The following BEND7 variants were observed in gnomAD, a reference collection of about 807,000 sequenced individuals.
BEND7 encodes the protein BEN domain containing 7.
Under a neutral mutation model 50.9 loss-of-function variants are expected in BEND7, and 28 were observed. That is an observed-to-expected ratio of 0.55 (90% CI 0.41 to 0.75). BEND7 has a LOEUF of 0.75. Among genes scored for constraint, BEND7 ranks in the 30% least tolerant of loss-of-function variants. The probability of loss-of-function intolerance (pLI) is 0.00; values close to 1 mark genes in which losing one functional copy is unlikely to be tolerated. For synonymous variants in BEND7, 170 were observed against 183.9 expected (o/e 0.92, Z 0.61); for missense variants, 477 against 491.3 (o/e 0.97, Z 0.28).
chr10:13,490,745 A>T (rs569565062), intron 5 of BEND7, among the ~76,000 whole-genome samples: 1 of 152,324 alleles, frequency 6.6e-6, no homozygotes, highest in Non-Finnish European at 1.5e-5. Flanking sequence ...TACCAATGCC[A>T]GCCAGACAGC....
At position 13,496,899 on chromosome 10, in the gene BEND7, A is replaced by C; in HGVS notation, c.449-11T>G. On this transcript the variant is annotated splice_polypyrimidine_tract_variant and intron_variant, in intron 3 of 8. Transcript: ENST00000466271. ...CCACTGGAAGTTCTCCTGAGCATGA[A>C]AGAAAAGAATGACATACTCCAAACA... 1 of 1,597,634 alleles carries C rather than the reference A, an allele frequency of 6.3e-7. No individual in the cohort carries two copies. Among genetic ancestry groups the C allele is most frequent in the Non-Finnish European group, 8.5e-7 (1 of 1,176,320 alleles).
Position 13,492,760 on chromosome 10 carries a change from T to A in BEND7, c.688A>T (p.Thr230Ser). The change falls in exon 5 of 9, where the codon ACT (threonine) becomes TCT (serine). Residue 230 changes from threonine to serine, a missense_variant. Physicochemically the swap from Thr to Ser is moderately conservative, Grantham distance 58. Around this residue, in one of 3 missense-constraint regions of BEND7, gnomAD observed 396 missense variants for 384.2 expected, o/e 1.03. Coordinates refer to ENST00000466271, the MANE Select transcript of BEND7 (RefSeq NM_001369863.1). Reference protein sequence around the residue: ...KVPPKTVEPLTVKQKPSGSEM... With the variant: ...KVPPKTVEPLSVKQKPSGSEM... The stretch of plus-strand genomic sequence containing the variant: ...GACCCACTGGGCTTCTGTTTCACAG[T>A]AAGAGGTTCCACAGTCTTTGGGGGC... 6.2e-7 allele frequency: 1 copy of A among 1,613,740 alleles called. No homozygotes were observed. Among genetic ancestry groups the A allele is most frequent in the Non-Finnish European group, 8.5e-7 (1 of 1,179,930 alleles).
At chr10:13,518,279 C>T (rs1397816903) in intron 2 of BEND7, among the ~76,000 whole-genome samples, 3 of 144,824 alleles carry the variant, frequency 2.1e-5, no homozygotes, top group South Asian at 2.3e-4. Context: ...CCATGCGGGC[C>T]GTGGCGAGCA....
At chr10:13,508,903 AC>A (rs1191073742) in intron 2 of BEND7, among the ~76,000 whole-genome samples, 4 of 152,218 alleles carry the variant, frequency 2.6e-5, no homozygotes, top group Admixed American at 6.5e-5. Flanking sequence ...ACGGCGGTCA[AC>A]CCCAGCCAGG....
intron 7 of BEND7, among the ~76,000 whole-genome samples, chr10:13,449,582 C>A (rs1564505548): frequency 6.6e-6 from 1 of 152,186 alleles, no homozygotes; most frequent in Non-Finnish European, 1.5e-5. Context: ...TCGATATGAG[C>A]TAATTTCTTA....
chr10:13,479,006 C>CT lies in BEND7; in HGVS notation c.1063+1892dup, dbSNP rs34144594. 3.4e-3 allele frequency among the ~76,000 whole-genome samples: 437 copies of CT among 127,720 alleles called. 1 individual carries two copies. The highest frequency in any genetic ancestry group is 4.4e-3 in the Admixed American group (54 of 12,288). 83.8% of individuals were successfully genotyped at this position (127,720 alleles called of 152,430 possible). ...AGATGTGTCCTCTATTTGTAATATACTTTTTTTTTTTTTTTTTTGAGACCA... is the reference window on the plus strand; with the variant it reads ...AGATGTGTCCTCTATTTGTAATATACTTTTTTTTTTTTTTTTTTTGAGACCA... On this transcript the variant is annotated intron_variant, in intron 6 of 8. Transcript: ENST00000466271.
chr10:13,484,386 G>C (rs750889936), intron 5 of BEND7, among the ~76,000 whole-genome samples: 1 of 152,156 alleles, frequency 6.6e-6, no homozygotes. Flanking sequence ...TCCTCCATTT[G>C]ATAAATGTAA....
chr10:13,493,622 CA>C (rs943147285), intron 4 of BEND7, among the ~76,000 whole-genome samples: 2 of 152,142 alleles, frequency 1.3e-5, no homozygotes, highest in African/African-American at 2.4e-5. Flanking sequence ...GAAACAGTTC[CA>C]AACATGAAAA....
intron 2 of BEND7, among the ~76,000 whole-genome samples, chr10:13,524,644 CAAAAAAAAA>C (rs58967065): frequency 1.1e-5 from 1 of 88,550 alleles, no homozygotes. Context: ...ACCTCCGTCT[CAAAAAAAAA>C]AAAAAAAAAA....
In BEND7 at chr10:13,492,665, C is replaced by CG. The variant is rs754321162; in HGVS notation, c.782dup (p.Glu262GlyfsTer25). The CG allele has an allele frequency of 6.2e-7, 1 of 1,614,128 alleles. No homozygotes were observed. The highest frequency in any genetic ancestry group is 1.1e-5 in the South Asian group (1 of 91,064). The stretch of plus-strand genomic sequence containing the variant: ...CGAATCCTAGAACGCGGCTCTCCTC[C>CG]GGGGAGGTGTGCTCGGCTGCCTGGA... On this transcript the variant is annotated frameshift_variant, in exon 5 of 9. Coordinates refer to ENST00000466271, the MANE Select transcript of BEND7 (RefSeq NM_001369863.1). LOFTEE classifies it high-confidence loss of function.
chr10:13,469,601 T>A (rs7912879), intron 6 of BEND7, among the ~76,000 whole-genome samples: 11 of 152,154 alleles, frequency 7.2e-5, no homozygotes, highest in Admixed American at 1.3e-4. Context: ...CTCAGCCTCC[T>A]GAGCAGCTGG....
At chr10:13,519,297 C>G (rs546302261) in intron 2 of BEND7, among the ~76,000 whole-genome samples, 2 of 144,196 alleles carry the variant, frequency 1.4e-5, no homozygotes, top group Admixed American at 1.4e-4. Context: ...ATGGTGAAAC[C>G]CCGTCTCTAC....
chr10:13,473,789 C>T lies in BEND7; in HGVS notation c.1063+7110G>A, dbSNP rs569936070. On this transcript the variant is annotated intron_variant, in intron 6 of 8. Coordinates refer to ENST00000466271, the MANE Select transcript of BEND7 (RefSeq NM_001369863.1). ...CGCTCTTAGACTTGGGGGTGATACT[C>T]ATCATTGTTGTTACACTCAGGGCTG... 2.0e-5 allele frequency among the ~76,000 whole-genome samples: 3 copies of T among 151,430 alleles called. No individual in the cohort carries two copies. In the East Asian group the frequency reaches 5.9e-4, roughly 30 times the overall value.
chr10:13,475,571 A>G (rs1313856232), intron 6 of BEND7, among the ~76,000 whole-genome samples: 4 of 152,210 alleles, frequency 2.6e-5, no homozygotes, highest in Non-Finnish European at 5.9e-5. Context: ...TCAAGAAAAG[A>G]CCTGCCCTGA....
rs532566654 is a variant in BEND7 at position 13,493,409 on chromosome 10, A to C, written c.572-533T>G. 5.9e-5 allele frequency among the ~76,000 whole-genome samples: 9 copies of C among 152,336 alleles called. No individual in the cohort carries two copies. In the South Asian group the frequency reaches 1.9e-3, roughly 32 times the overall value. ...CTGGGATGATTCTACATTAGGGACCAGTAAGCATGTGGGAAAAGCCTATTA... is the reference window on the plus strand; with the variant it reads ...CTGGGATGATTCTACATTAGGGACCCGTAAGCATGTGGGAAAAGCCTATTA... On this transcript the variant is annotated intron_variant, in intron 4 of 8. Coordinates refer to ENST00000466271, the MANE Select transcript of BEND7 (RefSeq NM_001369863.1).
At chr10:13,447,201 A>AC (rs1554803756) in intron 8 of BEND7, 65 bp downstream of exon 8, 25 of 1,557,306 alleles carry the variant, frequency 1.6e-5, no homozygotes, top group Middle Eastern at 3.3e-4. Context: ...ATCGTTTTCA[A>AC]TGCAAATAGT....
rs1456781553 is a variant in BEND7 at position 13,528,880 on chromosome 10, G to A, written c.-347C>T. 1 of 143,096 alleles carries A rather than the reference G, an allele frequency of 7.0e-6. No homozygotes were observed. Among genetic ancestry groups the A allele is most frequent in the East Asian group, 2.1e-4 (1 of 4,760 alleles). The allele number at this position is 143,096 out of a possible 1,614,324, so 8.9% of individuals were successfully genotyped here. The stretch of plus-strand genomic sequence containing the variant: ...CAACTTTCCGTTGGGAGCGGGCCGG[G>A]CCGGGGCGCGGCGGCGGCGGCGGAG... On this transcript the variant is annotated 5_prime_UTR_variant, in exon 1 of 9. Coordinates refer to ENST00000466271, the MANE Select transcript of BEND7 (RefSeq NM_001369863.1).
intron 5 of BEND7, among the ~76,000 whole-genome samples, chr10:13,487,518 C>T (rs558588911): frequency 1.3e-5 from 2 of 151,896 alleles, no homozygotes; most frequent in Non-Finnish European, 2.9e-5. Context: ...TCCTGAGTAG[C>T]TGGGATTACA....
chr10:13,509,550 C>T (rs976081068), intron 2 of BEND7, among the ~76,000 whole-genome samples: 5 of 152,144 alleles, frequency 3.3e-5, no homozygotes, highest in Admixed American at 6.5e-5. Context: ...ATGATCAATG[C>T]CTTAGAAATC....
Sources: allele counts gnomAD v4.1 joint callset (sites outside exome capture counted in the v4.1 genomes callset), GRCh38; gene constraint gnomAD v4.1.1; regional missense constraint gnomAD v4.1.1; transcripts MANE v1.5; gene names NCBI Gene and HGNC (gene_info 2026-07-23, HGNC 2026-07-21).